The following KPNA5 variants were observed in gnomAD, a reference collection of about 807,000 sequenced individuals.
The protein encoded by KPNA5 is importin subunit alpha-6.
Under a neutral mutation model 71.3 loss-of-function variants are expected in KPNA5, and 46 were observed. The ratio of observed to expected loss-of-function variants is 0.65; its 90% confidence interval spans 0.51 to 0.83. KPNA5 has a LOEUF of 0.83. Ranked by LOEUF, KPNA5 falls within the 40% of genes least tolerant of loss-of-function variation. The probability of loss-of-function intolerance (pLI) is 0.00; values close to 1 mark genes in which losing one functional copy is unlikely to be tolerated. For synonymous variants in KPNA5, 207 were observed against 201.4 expected (o/e 1.03, Z -0.24); for missense variants, 547 against 628.3 (o/e 0.87, Z 1.38).
chr6:116,705,323 T>C (rs1778399564), intron 7 of KPNA5, among the ~76,000 whole-genome samples, 163 bp downstream of exon 7: 1 of 152,230 alleles, frequency 6.6e-6, no homozygotes, highest in Non-Finnish European at 1.5e-5. Context: ...TTCAAATTGT[T>C]ATCTCTGTCT....
chr6:116,690,908 T>G (rs1446804464), intron 2 of KPNA5, among the ~76,000 whole-genome samples: 2 of 152,130 alleles, frequency 1.3e-5, no homozygotes, highest in African/African-American at 4.8e-5. Context: ...TGCTGTGTAG[T>G]TGAGTTGTTA....
chr6:116,712,292 T>C (rs1372679398), intron 7 of KPNA5, among the ~76,000 whole-genome samples: 3 of 152,248 alleles, frequency 2.0e-5, no homozygotes, highest in Admixed American at 2.0e-4. Context: ...TATGATGTTC[T>C]TCTTTGTCTC....
chr6:116,730,841 G>A (rs1269010025), intron 13 of KPNA5, among the ~76,000 whole-genome samples: 1 of 150,440 alleles, frequency 6.6e-6, no homozygotes, highest in Non-Finnish European at 1.5e-5. Flanking sequence ...ATTGTACTTT[G>A]TCTGGTTATC....
At chr6:116,692,526 T>C in intron 4 of KPNA5, 134 bp downstream of exon 4, 1 of 602,858 alleles carries the variant, frequency 1.7e-6, no homozygotes, top group Non-Finnish European at 2.9e-6. Flanking sequence ...CAAAATATAT[T>C]GTAAAGTAAC....
At position 116,737,549 on chromosome 6, in the gene KPNA5, G is replaced by A. The variant is rs1160866665; in HGVS notation, c.*5226G>A. 2 of 151,832 alleles carry A rather than the reference G, an allele frequency of 1.3e-5. No individual in the cohort carries two copies. Among genetic ancestry groups the A allele is most frequent in the African/African-American group, 4.8e-5 (2 of 41,346 alleles). The allele number at this position is 151,832 out of a possible 1,614,324, so 9.4% of individuals were successfully genotyped here. A position where few individuals can be genotyped will look rare whatever the true frequency, so the allele number is the denominator to read the frequency against. On this transcript the variant is annotated 3_prime_UTR_variant, in exon 14 of 14. Coordinates refer to ENST00000368564, the MANE Select transcript of KPNA5 (RefSeq NM_001366306.2). Reference sequence around the variant, plus strand: ...GGCTATACCTGAATTTCCCTTCCTTGCCCTGCAATCGTGAAACTCTAGGCA... The same window carrying A: ...GGCTATACCTGAATTTCCCTTCCTTACCCTGCAATCGTGAAACTCTAGGCA...
At chr6:116,689,747 T>A (rs1238769430) in intron 2 of KPNA5, among the ~76,000 whole-genome samples, 1 of 152,202 alleles carries the variant, frequency 6.6e-6, no homozygotes, top group African/African-American at 2.4e-5. Context: ...TTTGTCATTG[T>A]AAAATTTGCC....
intron 7 of KPNA5, among the ~76,000 whole-genome samples, chr6:116,708,410 A>G (rs1778528367): frequency 6.6e-6 from 1 of 152,122 alleles, no homozygotes; most frequent in Admixed American, 6.5e-5. Context: ...ACCAACACAT[A>G]TTATCTGTTA....
intron 7 of KPNA5, among the ~76,000 whole-genome samples, chr6:116,712,993 G>A (rs927925521): frequency 1.3e-5 from 2 of 151,124 alleles, no homozygotes; most frequent in African/African-American, 4.9e-5. Flanking sequence ...TTCTTAAGTT[G>A]TTATTGCCAC....
chr6:116,681,384 G>A (rs1777347211), intron 1 of KPNA5, 46 bp downstream of exon 1: 1 of 1,541,538 alleles, frequency 6.5e-7, no homozygotes, highest in South Asian at 1.2e-5. Context: ...CCTCGGTTTT[G>A]GTCCCTTTGG....
At position 116,737,731 on chromosome 6, in the gene KPNA5, A is replaced by G. The variant is rs1371143092; in HGVS notation, c.*5408A>G. On this transcript the variant is annotated 3_prime_UTR_variant, in exon 14 of 14. Coordinates refer to ENST00000368564, the MANE Select transcript of KPNA5 (RefSeq NM_001366306.2). ...AGTTTGGCTTAAAGCAGAAGTTAGC[A>G]TACCAATCTATGTTCTTTTTAAAAT... is the stretch of plus-strand genomic sequence containing the variant. 6.6e-6 allele frequency: 1 copy of G among 151,918 alleles called. No individual in the cohort carries two copies. Among genetic ancestry groups the G allele is most frequent in the Non-Finnish European group, 1.5e-5 (1 of 67,914 alleles). 9.4% of individuals were successfully genotyped at this position (151,918 alleles called of 1,614,324 possible). A position where few individuals can be genotyped will look rare whatever the true frequency, so the allele number is the denominator to read the frequency against.
Position 116,724,367 on chromosome 6 carries a change from C to G in KPNA5, c.991C>G (p.Gln331Glu). The change falls in exon 10 of 14, where the codon CAA becomes GAA. Residue 331 changes from glutamine (Q) to glutamate (E), a missense_variant. By Grantham distance (29) the Gln-to-Glu change is conservative. Transcript: ENST00000368564. ...VGNIVTGDDI[Q>E]TQVILNCSAL... is the part of the protein sequence containing the mutation. ...TAATATTGTGACTGGTGATGATATT[C>G]AAACACAGGTGAGTTCAAACTTGAG... 3.1e-6 allele frequency: 5 copies of G among 1,606,854 alleles called. No homozygotes were observed. Among genetic ancestry groups the G allele is most frequent in the Middle Eastern group, 1.7e-4 (1 of 6,042 alleles).
chr6:116,694,038 G>C (rs1777919973), intron 4 of KPNA5, among the ~76,000 whole-genome samples: 1 of 152,262 alleles, frequency 6.6e-6, no homozygotes, highest in African/African-American at 2.4e-5. Flanking sequence ...TCAAAGATCA[G>C]ATAGTTGTAG....
In KPNA5 at chr6:116,681,315, C is replaced by T. The variant is rs753745994; in HGVS notation, c.-20C>T. The stretch of plus-strand genomic sequence containing the variant: ...GCCGCTGGGGACTGGGAAATCAGGG[C>T]ATCGGAGAGTGCCACATTAATGGGT... On this transcript the variant is annotated 5_prime_UTR_variant, in exon 1 of 14. Coordinates refer to ENST00000368564, the MANE Select transcript of KPNA5 (RefSeq NM_001366306.2). 6.2e-7 allele frequency: 1 copy of T among 1,609,434 alleles called. No individual in the cohort carries two copies.
chr6:116,705,030 A>C, intron 6 of KPNA5, 42 bp from the exon 7 acceptor site: 3 of 1,419,466 alleles, frequency 2.1e-6, no homozygotes, highest in Non-Finnish European at 2.9e-6. Context: ...GAAAGCCTCT[A>C]ATTTAAAATA....
chr6:116,718,177 AC>A (rs1208068039), intron 8 of KPNA5, among the ~76,000 whole-genome samples: 11 of 151,780 alleles, frequency 7.2e-5, no homozygotes, highest in Non-Finnish European at 1.6e-4. Flanking sequence ...CCATGAGTAT[AC>A]CTGACCTTCT....
intron 12 of KPNA5, among the ~76,000 whole-genome samples, chr6:116,727,640 C>T (rs1271919205): frequency 6.6e-6 from 1 of 152,016 alleles, no homozygotes; most frequent in Admixed American, 6.6e-5. Flanking sequence ...GGGACTGTAT[C>T]TTGATAGTTA....
chr6:116,685,782 T>C (rs573741084), intron 1 of KPNA5, among the ~76,000 whole-genome samples: 1 of 152,340 alleles, frequency 6.6e-6, no homozygotes, highest in Non-Finnish European at 1.5e-5. Context: ...GAATGATTTA[T>C]ATCCCTCTGG....
At chr6:116,693,717 C>T (rs1443006993) in intron 4 of KPNA5, among the ~76,000 whole-genome samples, 1 of 152,058 alleles carries the variant, frequency 6.6e-6, no homozygotes, top group Non-Finnish European at 1.5e-5. Context: ...GTTTCTTTTG[C>T]TGTGCAGAAG....
intron 7 of KPNA5, among the ~76,000 whole-genome samples, chr6:116,714,726 T>C (rs551552440): frequency 2.0e-5 from 3 of 152,298 alleles, no homozygotes; most frequent in African/African-American, 4.8e-5. Context: ...CCTTTTAATG[T>C]TTTTGAGGAC....
Sources: allele counts gnomAD v4.1 joint callset (sites outside exome capture counted in the v4.1 genomes callset), GRCh38; gene constraint gnomAD v4.1.1; transcripts MANE v1.5; gene names NCBI Gene and HGNC (gene_info 2026-07-23, HGNC 2026-07-21).